Variants in LMNTD1 observed in about 807,000 individuals in gnomAD.
The protein encoded by LMNTD1 is lamin tail domain-containing protein 1.
Under a neutral mutation model 50.9 loss-of-function variants are expected in LMNTD1, and 35 were observed. The observed-to-expected ratio is 0.69, with a 90% CI of 0.53 to 0.91. The LOEUF is 0.91. LMNTD1 is among the 40% of genes least tolerant of loss of function. The pLI is 0.00. For missense variants in LMNTD1, 470 were observed against 475.5 expected (o/e 0.99, Z 0.11); for synonymous variants, 153 against 161.9 (o/e 0.94, Z 0.42).
chr12:25,627,793 T>G (rs544310411), intron 1 of LMNTD1, among the ~76,000 whole-genome samples: 3 of 152,328 alleles, frequency 2.0e-5, no homozygotes, highest in South Asian at 2.1e-4. Context: ...ACATCTTTCT[T>G]GTAGCCAATC....
intron 1 of LMNTD1, among the ~76,000 whole-genome samples, chr12:25,571,947 C>G (rs1944816711): frequency 6.6e-6 from 1 of 152,158 alleles, no homozygotes; most frequent in African/African-American, 2.4e-5. Context: ...GCTGGGATGA[C>G]AGGAATAAGC....
At chr12:25,513,273 G>T (rs1012918123) in intron 8 of LMNTD1, among the ~76,000 whole-genome samples, 3 of 152,170 alleles carry the variant, frequency 2.0e-5, no homozygotes, top group African/African-American at 2.4e-5. Flanking sequence ...ATGCAATAAT[G>T]CAAGAACACG....
intron 8 of LMNTD1, among the ~76,000 whole-genome samples, chr12:25,509,300 G>A (rs141118504): frequency 6.6e-6 from 1 of 152,216 alleles, no homozygotes; most frequent in African/African-American, 2.4e-5. Context: ...TAGAGATGGG[G>A]TTTCACCATG....
intron 1 of LMNTD1, among the ~76,000 whole-genome samples, chr12:25,605,191 G>A (rs1946069220): frequency 6.6e-6 from 1 of 151,288 alleles, no homozygotes; most frequent in African/African-American, 2.4e-5. Flanking sequence ...TTTTTGATGG[G>A]GTTGTTTTTT....
At chr12:25,484,718 T>C (rs1161236374) in intron 9 of LMNTD1, among the ~76,000 whole-genome samples, 1 of 139,986 alleles carries the variant, frequency 7.1e-6, no homozygotes. Context: ...TGTGATCTCA[T>C]TGTTCAATTC....
intron 4 of LMNTD1, among the ~76,000 whole-genome samples, chr12:25,531,594 T>A (rs894741484): frequency 6.6e-6 from 1 of 152,244 alleles, no homozygotes; most frequent in African/African-American, 2.4e-5. Context: ...TTGTTTTTTT[T>A]AAACAATGTA....
At chr12:25,541,070 TAA>T (rs1324574510) in intron 4 of LMNTD1, among the ~76,000 whole-genome samples, 4 of 99,514 alleles carry the variant, frequency 4.0e-5, no homozygotes, top group Non-Finnish European at 7.2e-5. Context: ...CTCAAGGAAA[TAA>T]AAGAGGATAC....
chr12:25,489,412 T>C (rs1171681755), intron 9 of LMNTD1, among the ~76,000 whole-genome samples: 1 of 151,530 alleles, frequency 6.6e-6, no homozygotes, highest in African/African-American at 2.4e-5. Context: ...CGTCACCCCT[T>C]TATTTGACTC....
In LMNTD1 at chr12:25,489,718, G is replaced by A. The variant is rs531682424; in HGVS notation, c.*23-13258C>T. 5.3e-5 allele frequency among the ~76,000 whole-genome samples: 8 copies of A among 152,124 alleles called. No homozygotes were observed. In the South Asian group the frequency reaches 1.7e-3, roughly 32 times the overall value. On this transcript the variant is annotated intron_variant, in intron 9 of 9. Coordinates refer to ENST00000458174, the MANE Select transcript of LMNTD1 (RefSeq NM_001145728.2). The stretch of plus-strand genomic sequence containing the variant: ...ACTCGCTTGTAATGAAATTGCAAAA[G>A]AAATGAAATTACAAAAGAAAACCTG...
chr12:25,647,344 G>A (rs1947094897), intron 1 of LMNTD1, among the ~76,000 whole-genome samples: 1 of 152,082 alleles, frequency 6.6e-6, no homozygotes, highest in South Asian at 2.1e-4. Flanking sequence ...AATTGGCTGG[G>A]CATGGTGGCC....
chr12:25,534,378 T>C (rs371469581), intron 4 of LMNTD1, among the ~76,000 whole-genome samples: 1 of 152,214 alleles, frequency 6.6e-6, no homozygotes, highest in Admixed American at 6.5e-5. Context: ...CAACAAAGAA[T>C]AGTGATACTT....
intron 1 of LMNTD1, among the ~76,000 whole-genome samples, chr12:25,626,660 T>C (rs1187699403): frequency 6.6e-6 from 1 of 152,198 alleles, no homozygotes; most frequent in Non-Finnish European, 1.5e-5. Flanking sequence ...AAAGATAGGA[T>C]ACAATGGAGA....
At chr12:25,519,463 C>T (rs1941091883) in intron 7 of LMNTD1, among the ~76,000 whole-genome samples, 1 of 151,750 alleles carries the variant, frequency 6.6e-6, no homozygotes, top group African/African-American at 2.4e-5. Flanking sequence ...TGGTGGGCGC[C>T]TGTAGTCCCA....
intron 1 of LMNTD1, among the ~76,000 whole-genome samples, chr12:25,633,362 C>T (rs763123505): frequency 3.9e-5 from 6 of 152,006 alleles, no homozygotes; most frequent in Non-Finnish European, 8.8e-5. Flanking sequence ...ATCCAACAAC[C>T]GCAGAACACA....
Position 25,527,640 on chromosome 12 carries a change from CTATATATATATATATATATA to C in LMNTD1, c.492-705_492-686del, listed in dbSNP as rs61347000. The stretch of plus-strand genomic sequence containing the variant: ...CTTATATGCCAGGCACTTAATAACA[CTATATATATATATATATATA>C]TATATATATATATATATATATACAC... On this transcript the variant is annotated intron_variant, in intron 4 of 9. Transcript: ENST00000458174. Among the ~76,000 whole-genome samples the C allele has an allele frequency of 1.9e-3, 117 of 61,728 alleles. 1 individual carries two copies. Among genetic ancestry groups the C allele is most frequent in the African/African-American group, 6.9e-3 (110 of 16,006 alleles). The allele number at this position is 61,728 out of a possible 152,430, so 40.5% of individuals were successfully genotyped here. A position where few individuals can be genotyped will look rare whatever the true frequency, so the allele number is the denominator to read the frequency against.
chr12:25,648,506 G>T, exon 1 of LMNTD1: 1 of 1,551,530 alleles, frequency 6.4e-7, no homozygotes, highest in Non-Finnish European at 8.7e-7. Flanking sequence ...TGGTGGGTCT[G>T]GACTCTGGAA....
intron 4 of LMNTD1, among the ~76,000 whole-genome samples, chr12:25,537,621 GA>G (rs960326186): frequency 2.0e-5 from 3 of 151,480 alleles, no homozygotes; most frequent in Admixed American, 1.3e-4. Flanking sequence ...CAAAGATGGG[GA>G]AAAAACAGAA....
chr12:25,569,924 T>C (rs1431649454), intron 1 of LMNTD1, among the ~76,000 whole-genome samples: 1 of 152,204 alleles, frequency 6.6e-6, no homozygotes, highest in African/African-American at 2.4e-5. Flanking sequence ...TGATATTTAT[T>C]TATAGCAATG....
chr12:25,495,254 G>GTGTGTGTGTA (rs1338189671), intron 9 of LMNTD1, among the ~76,000 whole-genome samples: 25 of 148,782 alleles, frequency 1.7e-4, no homozygotes, highest in African/African-American at 5.8e-4. Context: ...GTGTACGTGT[G>GTGTGTGTGTA]TGTGTGTGTG....
Sources: allele counts gnomAD v4.1 joint callset (sites outside exome capture counted in the v4.1 genomes callset), GRCh38; gene constraint gnomAD v4.1.1; transcripts MANE v1.5; gene names NCBI Gene and HGNC (gene_info 2026-07-23, HGNC 2026-07-21).